The following SLIT3 variants were observed in gnomAD, a reference collection of about 807,000 sequenced individuals.
The protein encoded by SLIT3 is slit homolog 3 protein.
A neutral mutation model predicts 184.0 loss-of-function variants in SLIT3; 68 were observed. The observed-to-expected ratio is 0.37, with a 90% CI of 0.30 to 0.45. The LOEUF (loss-of-function observed/expected upper bound fraction) is 0.45. SLIT3 is among the 20% of genes least tolerant of loss of function. The pLI is 1.00. For synonymous variants in SLIT3, 831 were observed against 828.6 expected (o/e 1.00, Z -0.05); for missense variants, 1,707 against 2,026.0 (o/e 0.84, Z 3.02).
At chr5:168,798,641 G>A (rs1372955511) in intron 9 of SLIT3, among the ~76,000 whole-genome samples, 1 of 152,066 alleles carries the variant, frequency 6.6e-6, no homozygotes, top group Non-Finnish European at 1.5e-5. Context: ...GGTCAACCCT[G>A]CCCCAGGAGG....
At chr5:168,672,288 A>AC (rs1761279015) in intron 33 of SLIT3, among the ~76,000 whole-genome samples, 1 of 151,958 alleles carries the variant, frequency 6.6e-6, no homozygotes, top group South Asian at 2.1e-4. Flanking sequence ...CATCTGAACC[A>AC]CCCATTAACA....
intron 32 of SLIT3, among the ~76,000 whole-genome samples, chr5:168,673,609 C>T (rs1761321843): frequency 6.6e-6 from 1 of 152,326 alleles, no homozygotes; most frequent in South Asian, 2.1e-4. Flanking sequence ...ACATACATTA[C>T]AGCCCTTTAT....
rs6885918 is a variant in SLIT3 at position 168,964,906 on chromosome 5, G to T, written c.414-81570C>A. Among the ~76,000 whole-genome samples, 779 of 152,306 alleles carry T rather than the reference G, an allele frequency of 5.1e-3. 5 individuals are homozygous for T. Among genetic ancestry groups the T allele is most frequent in the African/African-American group, 0.017 (708 of 41,576 alleles). ...ATTTCCAGTGAAGAAGGCTCTAAAA[G>T]ATAGTAGGTATGGTTGATGTGTCCA... On this transcript the variant is annotated intron_variant, in intron 4 of 35. Transcript: ENST00000519560.
chr5:168,692,704 G>T lies in SLIT3; in HGVS notation c.3083-4C>A, dbSNP rs753471604. Reference sequence around the variant, plus strand: ...ATCACCTCGTCGCATAGCTCACCTGGCACAGATGGGGGAGATAGCTCAGGC... The same window carrying T: ...ATCACCTCGTCGCATAGCTCACCTGTCACAGATGGGGGAGATAGCTCAGGC... On this transcript the variant is annotated splice_polypyrimidine_tract_variant and splice_region_variant and intron_variant, in intron 28 of 35. Coordinates refer to ENST00000519560, the MANE Select transcript of SLIT3 (RefSeq NM_003062.4). 6.2e-7 allele frequency: 1 copy of T among 1,610,868 alleles called. No homozygotes were observed. Among genetic ancestry groups the T allele is most frequent in the South Asian group, 1.1e-5 (1 of 90,922 alleles).
At chr5:169,012,315 G>A (rs779308815) in intron 4 of SLIT3, 2 of 152,254 alleles carry the variant, frequency 1.3e-5, no homozygotes, top group Non-Finnish European at 2.9e-5. Context: ...AAGGAGATGG[G>A]ACCAGCCTTG....
rs11740366 is a variant in SLIT3 at position 169,108,750 on chromosome 5, T to C, written c.413+84729A>G. The stretch of plus-strand genomic sequence containing the variant: ...CTTCGTAAGAGCCACCTCCCCCTCA[T>C]TGCACACTCTCACTACTCTGCAATG... On this transcript the variant is annotated intron_variant, in intron 4 of 35. Coordinates refer to ENST00000519560, the MANE Select transcript of SLIT3 (RefSeq NM_003062.4). 4.7e-3 allele frequency among the ~76,000 whole-genome samples: 710 copies of C among 152,242 alleles called. 6 individuals carry two copies. Among genetic ancestry groups the C allele is most frequent in the Middle Eastern group, 0.031 (9 of 294 alleles).
At chr5:169,190,327 C>A (rs873490) in intron 4 of SLIT3, among the ~76,000 whole-genome samples, 92,807 of 152,050 alleles carry the variant, frequency 0.61, 28,657 homozygotes, top group Middle Eastern at 0.73. Context: ...TCCACGGTTC[C>A]AAGGGAGTGA....
chr5:169,249,098 G>A (rs533704069), intron 2 of SLIT3, among the ~76,000 whole-genome samples: 1 of 152,140 alleles, frequency 6.6e-6, no homozygotes, highest in Non-Finnish European at 1.5e-5. Flanking sequence ...AAAGATAGTT[G>A]TCTAGGTTAC....
chr5:168,707,925 TGAA>T (rs760903089), intron 26 of SLIT3, 48 bp downstream of exon 26: 66 of 1,610,620 alleles, frequency 4.1e-5, no homozygotes, highest in African/African-American at 6.7e-5. Flanking sequence ...GGGCCAGGGC[TGAA>T]GGAGGAGCCT....
chr5:169,277,906 CTTA>C (rs1224179257), intron 1 of SLIT3, among the ~76,000 whole-genome samples: 1 of 152,188 alleles, frequency 6.6e-6, no homozygotes, highest in African/African-American at 2.4e-5. Flanking sequence ...TCCAATTACA[CTTA>C]TTATTTTCTG....
intron 6 of SLIT3, among the ~76,000 whole-genome samples, chr5:168,837,423 G>A (rs560998036): frequency 2.0e-5 from 3 of 152,156 alleles, no homozygotes; most frequent in Non-Finnish European, 4.4e-5. Flanking sequence ...CTCCGATTTT[G>A]TTCCTTATTA....
At chr5:168,709,816 G>C (rs1339034122) in intron 25 of SLIT3, among the ~76,000 whole-genome samples, 2 of 148,804 alleles carry the variant, frequency 1.3e-5, no homozygotes, top group Admixed American at 6.6e-5. Context: ...AATAATCAAA[G>C]ACAAAATAAA....
At chr5:168,879,384 A>AT (rs1759865037) in intron 5 of SLIT3, among the ~76,000 whole-genome samples, 1 of 152,244 alleles carries the variant, frequency 6.6e-6, no homozygotes, top group Non-Finnish European at 1.5e-5. Flanking sequence ...TCCATAACTG[A>AT]GGACTGGTAG....
intron 4 of SLIT3, among the ~76,000 whole-genome samples, chr5:168,897,646 G>GCACGCA: frequency 9.5e-6 from 1 of 105,382 alleles, no homozygotes; most frequent in African/African-American, 4.2e-5. Context: ...ACAGGTGCAC[G>GCACGCA]TACACACACA....
chr5:169,088,199 G>A (rs1409245983), intron 4 of SLIT3, among the ~76,000 whole-genome samples: 1 of 152,160 alleles, frequency 6.6e-6, no homozygotes, highest in Non-Finnish European at 1.5e-5. Flanking sequence ...TCTATCTCCT[G>A]CAGTGTGTCG....
At chr5:168,832,413 A>T (rs1391683580) in intron 6 of SLIT3, among the ~76,000 whole-genome samples, 2 of 152,238 alleles carry the variant, frequency 1.3e-5, no homozygotes, top group Non-Finnish European at 2.9e-5. Context: ...AGTCTGTTTC[A>T]TGTAGTTACG....
chr5:168,831,216 C>T (rs1369780374), intron 6 of SLIT3, among the ~76,000 whole-genome samples: 2 of 151,736 alleles, frequency 1.3e-5, no homozygotes, highest in Non-Finnish European at 2.9e-5. Flanking sequence ...GATCTGCCTG[C>T]TCCTTAAGCA....
intron 3 of SLIT3, among the ~76,000 whole-genome samples, chr5:169,207,342 A>C (rs1764105297): frequency 6.9e-6 from 1 of 144,416 alleles, no homozygotes; most frequent in Admixed American, 7.0e-5. Context: ...CTGGACCACT[A>C]TCTTTCTCTG....
chr5:169,192,273 T>C (rs1241962431), intron 4 of SLIT3, among the ~76,000 whole-genome samples: 3 of 152,072 alleles, frequency 2.0e-5, no homozygotes, highest in Non-Finnish European at 4.4e-5. Context: ...GCCAGAGAGA[T>C]GGGGCACACA....
Sources: allele counts gnomAD v4.1 joint callset (sites outside exome capture counted in the v4.1 genomes callset), GRCh38; gene constraint gnomAD v4.1.1; transcripts MANE v1.5; gene names NCBI Gene and HGNC (gene_info 2026-07-23, HGNC 2026-07-21).